The following PTK2 variants were observed in gnomAD, a reference collection of about 807,000 sequenced individuals.
PTK2 encodes the protein protein tyrosine kinase 2.
In PTK2, 45 loss-of-function variants were observed where a neutral mutation model predicts 150.1. The ratio of observed to expected loss-of-function variants is 0.30; its 90% confidence interval spans 0.24 to 0.38. The LOEUF (loss-of-function observed/expected upper bound fraction) is 0.38, where lower values mean the gene tolerates loss of function less well. Among genes scored for constraint, PTK2 ranks in the 10% least tolerant of loss-of-function variants. The pLI, the probability that PTK2 is intolerant of heterozygous loss-of-function variation, is 1.00. For synonymous variants in PTK2, 432 were observed against 449.2 expected, an observed-to-expected ratio of 0.96 and a Z score of 0.48; for missense variants, 919 against 1,307.3, an observed-to-expected ratio of 0.70 and a Z score of 4.58.
At chr8:140,871,272 T>C (rs182454125) in intron 4 of PTK2, among the ~76,000 whole-genome samples, 88 of 152,282 alleles carry the variant, frequency 5.8e-4, no homozygotes, top group Non-Finnish European at 1.3e-4. Context: ...AATATGAAAA[T>C]ATATTTCAAA....
chr8:140,709,661 T>C (rs937726962), intron 23 of PTK2, among the ~76,000 whole-genome samples: 3 of 152,234 alleles, frequency 2.0e-5, no homozygotes, highest in African/African-American at 7.2e-5. Context: ...TCAAGATCTT[T>C]GAAAATGGCT....
At chr8:140,680,563 G>A (rs2153560105) in intron 27 of PTK2, among the ~76,000 whole-genome samples, 1 of 152,166 alleles carries the variant, frequency 6.6e-6, no homozygotes, top group Admixed American at 6.5e-5. Context: ...TTTTTTCTGA[G>A]TACCTTCTGT....
rs556243228 is a variant in PTK2 at position 140,748,449 on chromosome 8, C to T, written c.1418-1589G>A. Among the ~76,000 whole-genome samples the T allele has an allele frequency of 2.2e-3, 324 of 145,380 alleles. 4 individuals carry two copies. Among genetic ancestry groups the T allele is most frequent in the African/African-American group, 7.0e-3 (271 of 38,600 alleles). ...CAGATGCTGCAGTGAGCCGGGATTG[C>T]GTCACTGCACTCCATCCAGCCTGGG... On this transcript the variant is annotated intron_variant, in intron 17 of 31. Coordinates refer to ENST00000522684, the Ensembl canonical transcript of PTK2.
intron 14 of PTK2, 112 bp from the exon 16 acceptor site, chr8:140,769,704 C>T: frequency 3.3e-6 from 2 of 602,746 alleles, no homozygotes; most frequent in South Asian, 2.0e-5. Context: ...ACAAGTAAAC[C>T]AAAGTGTAAG....
intron 1 of PTK2, among the ~76,000 whole-genome samples, chr8:140,952,557 CAT>C (rs577079152): frequency 3.6e-4 from 55 of 152,160 alleles, no homozygotes; most frequent in Non-Finnish European, 7.1e-4. Flanking sequence ...AACTGACACT[CAT>C]GTGGAAATTA....
chr8:140,938,083 T>C (rs1032377421), intron 1 of PTK2, among the ~76,000 whole-genome samples: 4 of 152,184 alleles, frequency 2.6e-5, no homozygotes, highest in Admixed American at 6.5e-5. Context: ...TCTAACACAA[T>C]TCACAGTACA....
At chr8:140,935,517 T>C (rs554448965) in intron 1 of PTK2, among the ~76,000 whole-genome samples, 26 of 152,252 alleles carry the variant, frequency 1.7e-4, no homozygotes, top group Admixed American at 1.6e-3. Context: ...CTCGCCTGAA[T>C]ATAAACGGGG....
At chr8:140,943,311 C>G (rs544735395) in intron 1 of PTK2, among the ~76,000 whole-genome samples, 25 of 152,296 alleles carry the variant, frequency 1.6e-4, no homozygotes, top group African/African-American at 5.1e-4. Flanking sequence ...ATTTGACTTA[C>G]CAAAATGTTA....
intron 16 of PTK2, among the ~76,000 whole-genome samples, chr8:140,756,472 C>T (rs1446052713): frequency 4.6e-5 from 7 of 151,510 alleles, no homozygotes; most frequent in African/African-American, 1.2e-4. Context: ...CCGAGATGGG[C>T]GGATCACCTG....
At chr8:140,899,570 A>C (rs1237838176) in intron 2 of PTK2, among the ~76,000 whole-genome samples, 1 of 152,234 alleles carries the variant, frequency 6.6e-6, no homozygotes, top group Non-Finnish European at 1.5e-5. Flanking sequence ...AAAATATTGA[A>C]GAGGGGAGAA....
rs369006645 is a variant in PTK2 at position 140,811,337 on chromosome 8, A to G, written c.867+6940T>C. Reference sequence around the variant, plus strand: ...CCTAAAATATTCCAGAAATGCAGCCAGTCAGTTGAGTCCACCTTACCACAA... The same window carrying G: ...CCTAAAATATTCCAGAAATGCAGCCGGTCAGTTGAGTCCACCTTACCACAA... On this transcript the variant is annotated intron_variant, in intron 10 of 31. Coordinates refer to ENST00000522684, the Ensembl canonical transcript of PTK2. 2.7e-4 allele frequency among the ~76,000 whole-genome samples: 41 copies of G among 152,332 alleles called. 2 individuals carry two copies. Among genetic ancestry groups the G allele is most frequent in the African/African-American group, 9.4e-4 (39 of 41,576 alleles).
chr8:140,909,442 T>C (rs1297753115), intron 2 of PTK2: 2 of 152,210 alleles, frequency 1.3e-5, no homozygotes, highest in Admixed American at 1.3e-4. Context: ...CAATCTAATA[T>C]TTGAGCCTAC....
At chr8:140,949,444 C>T (rs1009395581) in intron 1 of PTK2, among the ~76,000 whole-genome samples, 1 of 152,222 alleles carries the variant, frequency 6.6e-6, no homozygotes, top group Non-Finnish European at 1.5e-5. Flanking sequence ...GCCTCGGCTC[C>T]GGAGCTGGGC....
At chr8:140,879,676 G>GAAAAAAAAAAAAAAAAAAAAAAAAACAA (rs2100147859) in intron 3 of PTK2, 39 bp from the exon 4 acceptor site, 1 of 31,602 alleles carries the variant, frequency 3.2e-5, no homozygotes, top group Non-Finnish European at 4.8e-5. Flanking sequence ...GTTATAAACT[G>GAAAAAAAAAAAAAAAAAAAAAAAAACAA]AAAAAAAAAA....
At chr8:140,702,153 A>AAG (rs2100030913) in intron 25 of PTK2, among the ~76,000 whole-genome samples, 8 of 138,514 alleles carry the variant, frequency 5.8e-5, no homozygotes, top group Non-Finnish European at 9.3e-5. Flanking sequence ...AAAAAAAAAA[A>AAG]GTCATTAAAA....
At chr8:140,678,432 G>A (rs991417639) in intron 27 of PTK2, among the ~76,000 whole-genome samples, 29 of 151,540 alleles carry the variant, frequency 1.9e-4, no homozygotes, top group African/African-American at 2.9e-4. Flanking sequence ...CTGTAGACTC[G>A]ACTTCCTGGG....
intron 8 of PTK2, among the ~76,000 whole-genome samples, chr8:140,820,177 G>A (rs1388294667): frequency 7.7e-6 from 1 of 130,702 alleles, no homozygotes; most frequent in Non-Finnish European, 1.5e-5. Context: ...TCGGCTCACT[G>A]CAACCTCTGC....
At chr8:140,662,268 G>A (rs1043744705) in intron 31 of PTK2, among the ~76,000 whole-genome samples, 7 of 151,754 alleles carry the variant, frequency 4.6e-5, no homozygotes, top group African/African-American at 1.7e-4. Context: ...CTGCATTCCA[G>A]CCTGGGTGAC....
At chr8:140,998,909 G>A (rs895437048) in intron 1 of PTK2, among the ~76,000 whole-genome samples, 78 of 151,804 alleles carry the variant, frequency 5.1e-4, no homozygotes, top group African/African-American at 1.8e-3. Context: ...ACATGATTTT[G>A]AGGACTGAGG....
Sources: allele counts gnomAD v4.1 joint callset (sites outside exome capture counted in the v4.1 genomes callset), GRCh38; gene constraint gnomAD v4.1.1; transcripts MANE v1.5; gene names NCBI Gene and HGNC (gene_info 2026-07-23, HGNC 2026-07-21).